Variants in MACF1 observed in about 807,000 individuals in gnomAD.
The protein encoded by MACF1 is microtubule actin crosslinking factor 1.
MACF1 carries 193 observed loss-of-function variants against 854.8 expected under a neutral mutation model. The observed-to-expected ratio is 0.23, with a 90% confidence interval of 0.20 to 0.25. The LOEUF (loss-of-function observed/expected upper bound fraction) is 0.25. MACF1 is among the 10% of genes least tolerant of loss of function. The pLI is 1.00. For synonymous variants in MACF1, 3,185 were observed against 3,226.7 expected (o/e 0.99, Z 0.44); for missense variants, 7,722 against 8,929.1 (o/e 0.86, Z 5.45).
intron 20 of MACF1, 60 bp from the exon 21 acceptor site, chr1:39,297,560 T>TGTTC (rs1645949887): frequency 6.2e-7 from 1 of 1,601,768 alleles, no homozygotes; most frequent in South Asian, 1.1e-5. Context: ...TCTTTCTTAG[T>TGTTC]TAATATTCCG....
intron 58 of MACF1, among the ~76,000 whole-genome samples, chr1:39,391,122 A>C (rs1218627568): frequency 6.6e-6 from 1 of 151,930 alleles, no homozygotes; most frequent in Admixed American, 6.6e-5. Flanking sequence ...AAAAAAAAAA[A>C]ACACACAAAA....
intron 2 of MACF1, among the ~76,000 whole-genome samples, chr1:39,101,012 C>T (rs1278502564): frequency 2.0e-5 from 3 of 151,936 alleles, no homozygotes. Context: ...CCTCCTGCCT[C>T]GGCCTCCCAA....
rs974091766 is a variant in MACF1, at chr1:39,470,397, T to C, written c.21958+782T>C. On this transcript the variant is annotated intron_variant, in intron 97 of 100. Coordinates refer to ENST00000564288, the MANE Select transcript of MACF1 (RefSeq NM_001394062.1). ...CCAGGTACAGTGGAATCCCAGTACA[T>C]TGGGAGCCCAAGGCAGGAGGATTGT... 3.9e-5 allele frequency among the ~76,000 whole-genome samples: 6 copies of C among 152,304 alleles called. No homozygotes were observed. In the East Asian group the frequency reaches 1.2e-3, roughly 29 times the overall value.
At chr1:39,446,039 G>A (rs931554330) in intron 80 of MACF1, among the ~76,000 whole-genome samples, 1 of 152,192 alleles carries the variant, frequency 6.6e-6, no homozygotes, top group Non-Finnish European at 1.5e-5. Flanking sequence ...AATAAACTGA[G>A]ACAGATTCCA....
chr1:39,123,717 GT>G (rs1170430073), intron 2 of MACF1, among the ~76,000 whole-genome samples: 9 of 100,500 alleles, frequency 9.0e-5, no homozygotes, highest in African/African-American at 3.4e-4. Context: ...TTCTTGTTTT[GT>G]TTTTTTTTTT....
intron 2 of MACF1, among the ~76,000 whole-genome samples, chr1:39,134,111 G>A (rs1054576876): frequency 7.6e-6 from 1 of 131,060 alleles, no homozygotes; most frequent in East Asian, 2.5e-4. Context: ...CGGGATCTCA[G>A]CTCACTGCAA....
rs1041875302 is a variant in MACF1, at chr1:39,334,527, C to T, written c.7939C>T (p.Leu2647=). 6.2e-7 allele frequency: 1 copy of T among 1,613,686 alleles called. No individual in the cohort carries two copies. The highest frequency in any genetic ancestry group is 1.3e-5 in the African/African-American group (1 of 74,902). ...TGATATTGAATCTGGACAGAGATAT[C>T]TAGAAGTAATTCCCTTCTCAGACAT... ...KIDIESGQRY[L]EVIPFSDIKD... The change falls in exon 37 of 101, where the codon CTA becomes TTA. Residue 2647 remains leucine, a synonymous_variant. Coordinates refer to ENST00000564288, the MANE Select transcript of MACF1 (RefSeq NM_001394062.1).
chr1:39,245,215 T>C (rs1156505089), intron 2 of MACF1, among the ~76,000 whole-genome samples: 2 of 152,222 alleles, frequency 1.3e-5, no homozygotes, highest in East Asian at 1.9e-4. Flanking sequence ...CCTTTGTCTT[T>C]TCAGTACTCT....
In MACF1 at chr1:39,291,969, A is replaced by G; in HGVS notation, c.1845A>G (p.Glu615=). 3 of 1,614,098 alleles carry G rather than the reference A, an allele frequency of 1.9e-6. No individual in the cohort carries two copies. Among genetic ancestry groups the G allele is most frequent in the Non-Finnish European group, 2.5e-6 (3 of 1,179,992 alleles). Reference sequence around the variant, plus strand: ...TGCCTAGTGTGGAGTTGCAGCTAGAAACACAGCAGCACATCCATACGAGTG... The same window carrying G: ...TGCCTAGTGTGGAGTTGCAGCTAGAGACACAGCAGCACATCCATACGAGTG... ...NDLPSVELQL[E]TQQHIHTSVE... The change falls in exon 16 of 101, where the codon GAA becomes GAG. Residue 615 remains glutamate (E), a synonymous_variant. Coordinates refer to ENST00000564288, the MANE Select transcript of MACF1 (RefSeq NM_001394062.1).
intron 2 of MACF1, among the ~76,000 whole-genome samples, chr1:39,146,449 CAAAA>C (rs775912882): frequency 2.7e-4 from 25 of 93,052 alleles, no homozygotes; most frequent in African/African-American, 8.2e-4. Flanking sequence ...TCTCCTCTCC[CAAAA>C]AAAAAAAAAA....
intron 99 of MACF1, among the ~76,000 whole-genome samples, chr1:39,483,974 A>AC (rs1557678563): frequency 6.6e-6 from 1 of 152,090 alleles, no homozygotes; most frequent in Admixed American, 6.5e-5. Context: ...ACACGGTGAA[A>AC]CCCCGTCTCC....
At chr1:39,376,565 A>T (rs1318802754) in intron 52 of MACF1, among the ~76,000 whole-genome samples, 1 of 152,250 alleles carries the variant, frequency 6.6e-6, no homozygotes, top group Non-Finnish European at 1.5e-5. Flanking sequence ...AACCTTGGTT[A>T]GTACCGTCTT....
chr1:39,202,258 G>A (rs1216858379), upstream of MACF1, among the ~76,000 whole-genome samples: 6 of 144,650 alleles, frequency 4.1e-5, no homozygotes, highest in South Asian at 2.4e-4. Context: ...GAGCCACCAC[G>A]CCCGGCCTCA....
intron 2 of MACF1, among the ~76,000 whole-genome samples, chr1:39,124,753 C>T (rs1642817128): frequency 6.6e-6 from 1 of 152,132 alleles, no homozygotes; most frequent in Non-Finnish European, 1.5e-5. Context: ...TTTTTATGTA[C>T]TTTATGCATA....
intron 2 of MACF1, among the ~76,000 whole-genome samples, chr1:39,155,071 T>G (rs1453933909): frequency 6.6e-6 from 1 of 152,162 alleles, no homozygotes; most frequent in East Asian, 1.9e-4. Flanking sequence ...ATGAAAGGCA[T>G]GCAGAGTTAT....
chr1:39,432,675 G>T, intron 67 of MACF1, 21 bp downstream of exon 67: 1 of 1,608,394 alleles, frequency 6.2e-7, no homozygotes, highest in Non-Finnish European at 8.5e-7. Context: ...ACTCTTTCCT[G>T]AGCTAATAGA....
intron 19 of MACF1, 22 bp downstream of exon 19, chr1:39,295,172 G>A (rs1256376596): frequency 1.9e-6 from 3 of 1,576,330 alleles, no homozygotes; most frequent in African/African-American, 2.7e-5. Context: ...GAGAATGTGT[G>A]AAGGTCAAAT....
chr1:39,334,117 A>T lies in MACF1; in HGVS notation c.7529A>T (p.His2510Leu), dbSNP rs780532976. ...KQVVDGGIIH[H>L]ISGMRLSVDN... ...GTGGTAGATGGAGGTATCATTCACC[A>T]TATATCTGGGATGAGACTTTCTGTT... Residue 2510 changes from histidine (H) to leucine (L), a missense_variant, in exon 37 of 101, where the codon CAT becomes CTT. Physicochemically the swap from His to Leu is moderately conservative, Grantham distance 99. Around this residue, in one of 15 missense-constraint regions of MACF1, gnomAD observed 1,531 missense variants for 1,601.6 expected, o/e 0.96. Coordinates refer to ENST00000564288, the MANE Select transcript of MACF1 (RefSeq NM_001394062.1). 5 of 1,614,176 alleles carry T rather than the reference A, an allele frequency of 3.1e-6. No homozygotes were observed. In the East Asian group the frequency reaches 1.1e-4, roughly 36 times the overall value.
intron 88 of MACF1, 47 bp from the exon 89 acceptor site, chr1:39,454,862 G>A (rs774142813): frequency 4.6e-6 from 7 of 1,515,152 alleles, no homozygotes; most frequent in Non-Finnish European, 5.4e-6. Flanking sequence ...GAAACAAAGG[G>A]GGTATGCTTG....
Sources: gnomAD v4.1 joint callset for allele counts (sites outside exome capture counted in the v4.1 genomes callset) on GRCh38, gnomAD v4.1.1 for gene constraint, gnomAD v4.1.1 regional missense constraint, MANE v1.5 for transcripts, NCBI Gene and HGNC (gene_info 2026-07-23, HGNC 2026-07-21) for gene names.